Variants in EPHB1 observed in about 807,000 individuals in gnomAD.
EPHB1 encodes the protein ephrin type-B receptor 1.
In EPHB1, 30 loss-of-function variants were observed where a neutral mutation model predicts 94.4. That is an observed-to-expected ratio of 0.32 (90% confidence interval 0.24 to 0.43). EPHB1 has a LOEUF of 0.43. EPHB1 is among the 20% of genes least tolerant of loss of function. The pLI, the probability that EPHB1 is intolerant of heterozygous loss-of-function variation, is 1.00. For missense variants in EPHB1, 1,055 were observed against 1,308.3 expected (o/e 0.81, Z 2.99); for synonymous variants, 522 against 489.1 (o/e 1.07, Z -0.89).
intron 10 of EPHB1, among the ~76,000 whole-genome samples, chr3:135,189,366 A>G (rs371345520): frequency 3.3e-5 from 5 of 152,204 alleles, no homozygotes; most frequent in Admixed American, 3.3e-4. Context: ...TATGGTTTTC[A>G]GCCTGAGCGG....
intron 3 of EPHB1, among the ~76,000 whole-genome samples, chr3:134,995,426 G>A (rs1934957376): frequency 6.6e-6 from 1 of 151,998 alleles, no homozygotes; most frequent in African/African-American, 2.4e-5. Flanking sequence ...TCCAGTTTTG[G>A]GCAATTAAGA....
At chr3:134,979,297 G>C (rs1458617820) in intron 3 of EPHB1, among the ~76,000 whole-genome samples, 2 of 152,110 alleles carry the variant, frequency 1.3e-5, no homozygotes, top group African/African-American at 4.8e-5. Context: ...TGTTCAAAGG[G>C]GGAAAAAAAG....
At chr3:135,089,628 C>T (rs1182662740) in intron 3 of EPHB1, among the ~76,000 whole-genome samples, 1 of 152,168 alleles carries the variant, frequency 6.6e-6, no homozygotes. Context: ...GACCGTAAAG[C>T]CTGAAAGGTG....
chr3:135,043,259 TAAA>T (rs1253629552), intron 3 of EPHB1, among the ~76,000 whole-genome samples: 2 of 148,668 alleles, frequency 1.3e-5, no homozygotes, highest in African/African-American at 2.5e-5. Context: ...TATCAAATAA[TAAA>T]TAATAATAAT....
At chr3:135,171,666 G>GA (rs1178700719) in intron 9 of EPHB1, among the ~76,000 whole-genome samples, 3 of 152,218 alleles carry the variant, frequency 2.0e-5, no homozygotes, top group African/African-American at 7.2e-5. Context: ...TTATTTGTGT[G>GA]AAAAAAATGA....
At chr3:135,204,378 G>A (rs921171206) in intron 12 of EPHB1, among the ~76,000 whole-genome samples, 1 of 151,332 alleles carries the variant, frequency 6.6e-6, no homozygotes, top group Non-Finnish European at 1.5e-5. Context: ...TAACTTTTTT[G>A]TATTTTCAGT....
chr3:134,827,346 T>C (rs2036499719), intron 1 of EPHB1, among the ~76,000 whole-genome samples: 1 of 144,208 alleles, frequency 6.9e-6, no homozygotes, highest in African/African-American at 2.7e-5. Context: ...AATCAACAGA[T>C]GTGCGCGGGT....
chr3:134,928,400 C>T (rs1398500633), intron 2 of EPHB1, among the ~76,000 whole-genome samples: 1 of 152,222 alleles, frequency 6.6e-6, no homozygotes, highest in African/African-American at 2.4e-5. Context: ...TTTCTAGCCC[C>T]CCTTCAGCCA....
chr3:134,849,055 A>G (rs1216192527), intron 1 of EPHB1, among the ~76,000 whole-genome samples: 2 of 152,220 alleles, frequency 1.3e-5, no homozygotes, highest in African/African-American at 4.8e-5. Flanking sequence ...AACAGGAGGG[A>G]CAGAAGTGCT....
At chr3:135,191,301 A>T (rs1942450205) in intron 10 of EPHB1, among the ~76,000 whole-genome samples, 1 of 152,082 alleles carries the variant, frequency 6.6e-6, no homozygotes, top group African/African-American at 2.4e-5. Flanking sequence ...AGTTCTGTTG[A>T]CTCTGGAGAA....
chr3:134,937,062 G>C (rs1364477028), intron 2 of EPHB1, among the ~76,000 whole-genome samples: 1 of 152,246 alleles, frequency 6.6e-6, no homozygotes, highest in Non-Finnish European at 1.5e-5. Flanking sequence ...GAGGCTTAAT[G>C]TGGGAGCTGA....
At chr3:134,891,937 A>G (rs1174830765) in intron 1 of EPHB1, among the ~76,000 whole-genome samples, 1 of 152,238 alleles carries the variant, frequency 6.6e-6, no homozygotes, top group Non-Finnish European at 1.5e-5. Context: ...GGGAATGACC[A>G]TAGACTGCAG....
Position 135,132,852 on chromosome 3 carries a change from G to T in EPHB1, c.1100G>T (p.Arg367Leu), listed in dbSNP as rs749032472. ...NIICKKCRAD[R>L]RSCSRCDDNV... is the part of the protein sequence containing the mutation. ...ATCTGCAAAAAGTGCCGGGCAGACCGCCGGAGCTGCTCCCGCTGTGACGAC... is the reference window on the plus strand; with the variant it reads ...ATCTGCAAAAAGTGCCGGGCAGACCTCCGGAGCTGCTCCCGCTGTGACGAC... The change falls in exon 5 of 16, where the codon CGC becomes CTC. Residue 367 changes from arginine (R) to leucine (L), a missense_variant. Arg to Leu is a moderately radical substitution (Grantham distance 102, BLOSUM62 -2). Transcript: ENST00000398015. 6.2e-7 allele frequency: 1 copy of T among 1,614,026 alleles called. No individual in the cohort carries two copies. Among genetic ancestry groups the T allele is most frequent in the Admixed American group, 1.7e-5 (1 of 60,032 alleles).
At chr3:134,856,557 C>G (rs907218717) in intron 1 of EPHB1, among the ~76,000 whole-genome samples, 1 of 152,134 alleles carries the variant, frequency 6.6e-6, no homozygotes, top group Admixed American at 6.5e-5. Context: ...GGCTGATGAA[C>G]AAGAAATCAA....
At chr3:135,256,602 G>A (rs1332241294) in intron 15 of EPHB1, among the ~76,000 whole-genome samples, 3 of 152,174 alleles carry the variant, frequency 2.0e-5, no homozygotes, top group Admixed American at 6.5e-5. Flanking sequence ...TTAGTCTGAT[G>A]GGCTTCCCTT....
intron 3 of EPHB1, among the ~76,000 whole-genome samples, chr3:135,052,839 C>T (rs368248830): frequency 0.011 from 1,115 of 99,864 alleles, 13 homozygotes; most frequent in Middle Eastern, 0.062. Context: ...CCAGCCTGGG[C>T]GACACAGCGA....
chr3:134,921,743 A>G (rs139712887), intron 1 of EPHB1, among the ~76,000 whole-genome samples: 26 of 152,352 alleles, frequency 1.7e-4, no homozygotes, highest in African/African-American at 5.8e-4. Flanking sequence ...GATTTAAGTT[A>G]TAGTAATAGC....
intron 1 of EPHB1, among the ~76,000 whole-genome samples, chr3:134,820,344 A>T (rs921392636): frequency 6.6e-6 from 1 of 152,202 alleles, no homozygotes; most frequent in Non-Finnish European, 1.5e-5. Context: ...AGGCATGGAG[A>T]CAAATGCTTC....
chr3:134,856,105 G>A (rs1341763049), intron 1 of EPHB1, among the ~76,000 whole-genome samples: 1 of 152,180 alleles, frequency 6.6e-6, no homozygotes, highest in Admixed American at 6.5e-5. Context: ...ATGGTGGAAA[G>A]CAGGAGAGGA....
Sources: gnomAD v4.1 joint callset for allele counts (sites outside exome capture counted in the v4.1 genomes callset) on GRCh38, gnomAD v4.1.1 for gene constraint, MANE v1.5 for transcripts, NCBI Gene and HGNC (gene_info 2026-07-23, HGNC 2026-07-21) for gene names.